Variants in TASP1 observed in about 807,000 individuals in gnomAD.
The protein encoded by TASP1 is threonine aspartase 1.
TASP1 carries 16 observed loss-of-function variants against 56.6 expected under a neutral mutation model. The observed-to-expected ratio is 0.28, with a 90% confidence interval of 0.19 to 0.43. The LOEUF (loss-of-function observed/expected upper bound fraction) is 0.43, where lower values mean the gene tolerates loss of function less well. Ranked by LOEUF, TASP1 falls within the 20% of genes least tolerant of loss-of-function variation. The probability of loss-of-function intolerance (pLI) is 1.00; values close to 1 mark genes in which losing one functional copy is unlikely to be tolerated. For missense variants in TASP1, 393 were observed against 511.6 expected (o/e 0.77, Z 2.24); for synonymous variants, 179 against 184.2 (o/e 0.97, Z 0.23).
At chr20:13,237,022 G>C in the TASP1 span, among the ~76,000 whole-genome samples, 1 of 152,194 alleles carries the variant, frequency 6.6e-6, no homozygotes, top group African/African-American at 2.4e-5. Flanking sequence ...AGCTCCACTA[G>C]GCAGTGCCCA....
At chr20:13,229,537 GTAA>G in the TASP1 span, among the ~76,000 whole-genome samples, 1 of 152,194 alleles carries the variant, frequency 6.6e-6, no homozygotes, top group Non-Finnish European at 1.5e-5. Context: ...AGTCCACTGT[GTAA>G]CTCTATCACA....
intron 10 of TASP1, among the ~76,000 whole-genome samples, chr20:13,521,582 T>C (rs1320970713): frequency 3.0e-5 from 4 of 131,600 alleles, no homozygotes; most frequent in Admixed American, 9.8e-5. Context: ...AATTGAACAA[T>C]GAGAACACAT....
intron 10 of TASP1, among the ~76,000 whole-genome samples, chr20:13,502,706 T>C (rs2043989755): frequency 6.6e-6 from 1 of 151,496 alleles, no homozygotes. Flanking sequence ...GTGTTATTAA[T>C]CAGAGTGACA....
chr20:13,619,303 C>G (rs1003473666), intron 4 of TASP1, among the ~76,000 whole-genome samples: 10 of 152,198 alleles, frequency 6.6e-5, no homozygotes, highest in African/African-American at 2.4e-4. Flanking sequence ...TTCAAAACCT[C>G]TGCCAAATTC....
intron 11 of TASP1, among the ~76,000 whole-genome samples, chr20:13,464,136 A>C (rs1375052958): frequency 6.6e-6 from 1 of 152,188 alleles, no homozygotes; most frequent in Non-Finnish European, 1.5e-5. Flanking sequence ...CCCCAAATGC[A>C]TATTTTGAAG....
At chr20:13,307,398 C>G in the TASP1 span, among the ~76,000 whole-genome samples, 1 of 152,044 alleles carries the variant, frequency 6.6e-6, no homozygotes, top group South Asian at 2.1e-4. Context: ...ATACCAACAC[C>G]AAGAAAAAAC....
chr20:13,554,159 A>G (rs188678739), intron 8 of TASP1, among the ~76,000 whole-genome samples: 62 of 152,276 alleles, frequency 4.1e-4, no homozygotes, highest in African/African-American at 1.4e-3. Context: ...GGTATAAGAA[A>G]AAGGCCCAAG....
At position 13,423,490 on chromosome 20, in the gene TASP1, TA is replaced by T. The variant is rs541624701; in HGVS notation, c.1097-5970del. Among the ~76,000 whole-genome samples, 107 of 151,360 alleles carry T rather than the reference TA, an allele frequency of 7.1e-4. No homozygotes were observed. The South Asian group carries it at 0.018, about 26-fold the overall frequency. On this transcript the variant is annotated intron_variant, in intron 12 of 13. Coordinates refer to ENST00000337743, the MANE Select transcript of TASP1 (RefSeq NM_017714.3). ...CTTATTAATGTGACATGCTGCAGTTTAAAAAAAAACACTAGTCTACAAGATA... is the reference window on the plus strand; with the variant it reads ...CTTATTAATGTGACATGCTGCAGTTTAAAAAAAACACTAGTCTACAAGATA...
At chr20:13,297,983 G>T in the TASP1 span, among the ~76,000 whole-genome samples, 1 of 152,276 alleles carries the variant, frequency 6.6e-6, no homozygotes, top group South Asian at 2.1e-4. Context: ...AGGTTAAGAG[G>T]CTGGGGGAAC....
At chr20:13,211,614 T>C in the TASP1 span, among the ~76,000 whole-genome samples, 6 of 152,172 alleles carry the variant, frequency 3.9e-5, no homozygotes, top group African/African-American at 1.4e-4. Context: ...CTCTCTGTTT[T>C]AGAATAGTTA....
At chr20:13,117,772 G>T in the TASP1 span, 1 of 1,525,422 alleles carries the variant, frequency 6.6e-7, no homozygotes. Flanking sequence ...AGCGCCCTGG[G>T]GATGCCGTGT....
the TASP1 span, among the ~76,000 whole-genome samples, chr20:13,365,543 A>G: frequency 6.6e-6 from 1 of 152,226 alleles, no homozygotes; most frequent in Non-Finnish European, 1.5e-5. Flanking sequence ...GAATGATTGA[A>G]AGAAAAGGAG....
At chr20:13,395,599 A>G (rs777364635) in intron 13 of TASP1, among the ~76,000 whole-genome samples, 109 of 152,050 alleles carry the variant, frequency 7.2e-4, no homozygotes, top group Non-Finnish European at 1.0e-3. Context: ...AATATGGTAT[A>G]TGGTACTGTG....
At chr20:13,277,982 G>A in the TASP1 span, among the ~76,000 whole-genome samples, 1 of 152,154 alleles carries the variant, frequency 6.6e-6, no homozygotes, top group Non-Finnish European at 1.5e-5. Flanking sequence ...GGATGGGCAC[G>A]CCCTGGTGCA....
intron 6 of TASP1, among the ~76,000 whole-genome samples, chr20:13,576,391 A>G (rs958305001): frequency 2.7e-5 from 4 of 147,426 alleles, no homozygotes; most frequent in Non-Finnish European, 4.5e-5. Context: ...GAAAGAAAGA[A>G]AGAAAGTCAG....
At chr20:13,236,676 G>T in the TASP1 span, among the ~76,000 whole-genome samples, 2 of 152,176 alleles carry the variant, frequency 1.3e-5, no homozygotes, top group South Asian at 2.1e-4. Context: ...GGGGGTACAG[G>T]TATTGGGTAA....
At chr20:13,151,492 C>T in the TASP1 span, among the ~76,000 whole-genome samples, 1 of 152,146 alleles carries the variant, frequency 6.6e-6, no homozygotes, top group Non-Finnish European at 1.5e-5. Context: ...TCACAACCTG[C>T]CTGCTGGGAG....
At chr20:13,629,782 C>T in intron 2 of TASP1, 152 bp downstream of exon 2, 4 of 1,146,608 alleles carry the variant, frequency 3.5e-6, no homozygotes, top group Non-Finnish European at 5.0e-6. Context: ...GGGAGGTCCT[C>T]ACTATATCCA....
At chr20:13,503,267 C>T (rs1262635028) in intron 10 of TASP1, among the ~76,000 whole-genome samples, 1 of 152,080 alleles carries the variant, frequency 6.6e-6, no homozygotes, top group Non-Finnish European at 1.5e-5. Flanking sequence ...CAACACCTTC[C>T]CCCAGGCCAA....
Sources: gnomAD v4.1 joint callset for allele counts (sites outside exome capture counted in the v4.1 genomes callset) on GRCh38, gnomAD v4.1.1 for gene constraint, MANE v1.5 for transcripts, NCBI Gene and HGNC (gene_info 2026-07-23, HGNC 2026-07-21) for gene names.